Variants in PLCB1 observed in about 807,000 individuals in gnomAD.
The protein encoded by PLCB1 is phospholipase C beta 1, also known as 1-phosphatidylinositol 4,5-bisphosphate phosphodiesterase beta-1.
In PLCB1, 46 loss-of-function variants were observed where a neutral mutation model predicts 161.8. The ratio of observed to expected loss-of-function variants is 0.28; its 90% confidence interval spans 0.22 to 0.36. The LOEUF is 0.36. PLCB1 is among the 10% of genes least tolerant of loss of function. The pLI, the probability that PLCB1 is intolerant of heterozygous loss-of-function variation, is 1.00. For synonymous variants in PLCB1, 517 were observed against 503.7 expected (o/e 1.03, Z -0.35); for missense variants, 1,016 against 1,472.5 (o/e 0.69, Z 5.07).
intron 3 of PLCB1, among the ~76,000 whole-genome samples, chr20:8,518,840 A>T (rs1053431014): frequency 6.6e-6 from 1 of 152,000 alleles, no homozygotes; most frequent in Non-Finnish European, 1.5e-5. Context: ...TCCTGCAACT[A>T]GATGGTCCCA....
intron 3 of PLCB1, among the ~76,000 whole-genome samples, chr20:8,613,548 G>A (rs112015791): frequency 0.02 from 3,067 of 152,256 alleles, 85 homozygotes; most frequent in African/African-American, 0.065. Context: ...TTCAATCCAT[G>A]TCATAAGATT....
At chr20:8,482,244 C>T (rs1381287774) in intron 3 of PLCB1, among the ~76,000 whole-genome samples, 2 of 151,754 alleles carry the variant, frequency 1.3e-5, no homozygotes, top group African/African-American at 2.4e-5. Flanking sequence ...ACTGAGATTA[C>T]AGGCACATAC....
chr20:8,558,084 G>A (rs1334777267), intron 3 of PLCB1, among the ~76,000 whole-genome samples: 1 of 151,728 alleles, frequency 6.6e-6, no homozygotes, highest in Non-Finnish European at 1.5e-5. Flanking sequence ...TAGGAAAAAT[G>A]AATAAGATCT....
chr20:8,172,682 G>A (rs1037496135), intron 2 of PLCB1, among the ~76,000 whole-genome samples: 1 of 152,172 alleles, frequency 6.6e-6, no homozygotes, highest in Non-Finnish European at 1.5e-5. Flanking sequence ...ATCTATACAA[G>A]ATGGCCAGAT....
At chr20:8,223,661 A>G (rs1299494427) in intron 2 of PLCB1, among the ~76,000 whole-genome samples, 3 of 152,180 alleles carry the variant, frequency 2.0e-5, no homozygotes, top group Non-Finnish European at 2.9e-5. Context: ...GTATGTAAAC[A>G]TCTATCCAAA....
intron 3 of PLCB1, among the ~76,000 whole-genome samples, chr20:8,391,217 T>G (rs977948931): frequency 6.6e-6 from 1 of 151,516 alleles, no homozygotes; most frequent in Non-Finnish European, 1.5e-5. Context: ...GCTGTGGCAT[T>G]TAAACCTACT....
chr20:8,493,344 A>T (rs1411447449), intron 3 of PLCB1, among the ~76,000 whole-genome samples: 2 of 152,232 alleles, frequency 1.3e-5, no homozygotes, highest in Non-Finnish European at 2.9e-5. Flanking sequence ...TTAGAGCAAA[A>T]GCAAATCTAT....
intron 3 of PLCB1, among the ~76,000 whole-genome samples, chr20:8,561,551 T>A (rs1004920580): frequency 6.6e-6 from 1 of 151,996 alleles, no homozygotes; most frequent in Non-Finnish European, 1.5e-5. Flanking sequence ...TCTTGATACA[T>A]TGCATTGAAA....
chr20:8,782,495 T>C (rs959964810), intron 27 of PLCB1, among the ~76,000 whole-genome samples: 3 of 152,124 alleles, frequency 2.0e-5, no homozygotes, highest in Admixed American at 6.5e-5. Context: ...TGGGCTTTAG[T>C]GGTCCTCCTA....
chr20:8,542,306 G>C (rs1476706907), intron 3 of PLCB1, among the ~76,000 whole-genome samples: 2 of 152,132 alleles, frequency 1.3e-5, no homozygotes, highest in African/African-American at 4.8e-5. Flanking sequence ...CACTAATAAA[G>C]GAAACATAAA....
intron 3 of PLCB1, among the ~76,000 whole-genome samples, chr20:8,462,496 C>G (rs1471971772): frequency 6.6e-6 from 1 of 152,176 alleles, no homozygotes; most frequent in African/African-American, 2.4e-5. Context: ...AGGCAGCTGT[C>G]TGCTTTTGTA....
chr20:8,636,213 G>C (rs766872842), intron 4 of PLCB1, among the ~76,000 whole-genome samples: 2 of 152,114 alleles, frequency 1.3e-5, no homozygotes, highest in Non-Finnish European at 2.9e-5. Flanking sequence ...AACATGAAAA[G>C]TTAGATCCAT....
At chr20:8,666,879 T>C (rs1043381352) in intron 9 of PLCB1, among the ~76,000 whole-genome samples, 1 of 152,118 alleles carries the variant, frequency 6.6e-6, no homozygotes. Flanking sequence ...GTACAGGTGA[T>C]GGTGGCTGTT....
chr20:8,651,278 A>T (rs1989314117), intron 7 of PLCB1: 1 of 590,824 alleles, frequency 1.7e-6, no homozygotes, highest in Non-Finnish European at 3.0e-6. Context: ...TTATAAAAGT[A>T]TTGAGTGCTA....
intron 3 of PLCB1, among the ~76,000 whole-genome samples, chr20:8,411,494 T>C (rs900133403): frequency 1.3e-5 from 2 of 152,156 alleles, no homozygotes; most frequent in African/African-American, 4.8e-5. Context: ...AGCCTAACTG[T>C]TGTCAGTACA....
chr20:8,393,048 A>C (rs1208781305), intron 3 of PLCB1, among the ~76,000 whole-genome samples: 1 of 152,174 alleles, frequency 6.6e-6, no homozygotes, highest in Non-Finnish European at 1.5e-5. Flanking sequence ...CTAATTAGAC[A>C]GTATGTTTGT....
At chr20:8,741,757 T>G (rs1361194855) in intron 23 of PLCB1, among the ~76,000 whole-genome samples, 184 bp downstream of exon 23, 2 of 152,210 alleles carry the variant, frequency 1.3e-5, no homozygotes, top group Non-Finnish European at 2.9e-5. Flanking sequence ...TCACATTTCA[T>G]TTTCTTTTGG....
chr20:8,613,920 A>G (rs1987974005), intron 3 of PLCB1, among the ~76,000 whole-genome samples: 1 of 151,830 alleles, frequency 6.6e-6, no homozygotes, highest in African/African-American at 2.4e-5. Flanking sequence ...TTGACATTAA[A>G]CCAAATGATA....
chr20:8,632,056 T>TTG (rs1988614947), intron 4 of PLCB1, among the ~76,000 whole-genome samples: 1 of 143,208 alleles, frequency 7.0e-6, no homozygotes, highest in African/African-American at 2.6e-5. Context: ...TTTTTTTTTT[T>TTG]TTTTTTTTTT....
Sources: gnomAD v4.1 joint callset for allele counts (sites outside exome capture counted in the v4.1 genomes callset) on GRCh38, gnomAD v4.1.1 for gene constraint, MANE v1.5 for transcripts, NCBI Gene and HGNC (gene_info 2026-07-23, HGNC 2026-07-21) for gene names.